The following CRPPA variants were observed in gnomAD, a reference collection of about 807,000 sequenced individuals.
The protein encoded by CRPPA is CDP-L-ribitol pyrophosphorylase A, also known as D-ribitol-5-phosphate cytidylyltransferase.
Under a neutral mutation model 52.0 loss-of-function variants are expected in CRPPA, and 43 were observed. The observed-to-expected ratio is 0.83, with a 90% CI of 0.65 to 1.07. CRPPA has a LOEUF of 1.07. Ranked by LOEUF, CRPPA falls within the 50% of genes least tolerant of loss-of-function variation. The pLI is 0.00. For synonymous variants in CRPPA, 250 were observed against 203.5 expected (o/e 1.23, Z -1.94); for missense variants, 629 against 551.7 (o/e 1.14, Z -1.40).
chr7:16,276,131 A>G (rs1051478512), intron 6 of CRPPA, among the ~76,000 whole-genome samples: 4 of 152,096 alleles, frequency 2.6e-5, no homozygotes, highest in Non-Finnish European at 4.4e-5. Context: ...ACGGGAAGTA[A>G]GAAAATTAAA....
chr7:16,173,227 G>C (rs902620181), intron 9 of CRPPA, among the ~76,000 whole-genome samples: 3 of 152,194 alleles, frequency 2.0e-5, no homozygotes, highest in African/African-American at 7.2e-5. Flanking sequence ...TGCAGGCTAG[G>C]AGTAAATTCA....
At chr7:16,246,425 T>C (rs1239405158) in intron 8 of CRPPA, among the ~76,000 whole-genome samples, 1 of 152,200 alleles carries the variant, frequency 6.6e-6, no homozygotes, top group Non-Finnish European at 1.5e-5. Flanking sequence ...GTTTGGATTA[T>C]GACCCCCCAT....
intron 9 of CRPPA, among the ~76,000 whole-genome samples, chr7:16,174,184 T>C (rs898095597): frequency 2.6e-5 from 4 of 152,162 alleles, no homozygotes; most frequent in Non-Finnish European, 1.5e-5. Context: ...ATGCTTTCAG[T>C]GCAAATAGGT....
chr7:16,357,755 A>G (rs1226104291), intron 3 of CRPPA, among the ~76,000 whole-genome samples: 1 of 152,210 alleles, frequency 6.6e-6, no homozygotes, highest in Non-Finnish European at 1.5e-5. Flanking sequence ...TTTATTACTA[A>G]GAAGGAATAA....
intron 9 of CRPPA, among the ~76,000 whole-genome samples, chr7:16,146,619 A>T (rs1475937929): frequency 6.6e-6 from 1 of 152,218 alleles, no homozygotes; most frequent in Non-Finnish European, 1.5e-5. Flanking sequence ...TAACATCAAT[A>T]ACCTAAAATG....
intron 9 of CRPPA, among the ~76,000 whole-genome samples, chr7:16,162,601 G>A (rs1323816548): frequency 6.6e-6 from 1 of 152,160 alleles, no homozygotes; most frequent in Non-Finnish European, 1.5e-5. Flanking sequence ...TTCCAATTAT[G>A]TGGTCAATTT....
rs1224787965 is a variant in CRPPA, at chr7:16,089,458, T to TAC, written c.*2236_*2237insGT. The TAC allele has an allele frequency of 3.5e-5, 10 of 289,014 alleles. No individual in the cohort carries two copies. The highest frequency in any genetic ancestry group is 9.0e-5 in the East Asian group (1 of 11,064). The allele number at this position is 289,014 out of a possible 1,614,324, so 17.9% of individuals were successfully genotyped here. ...GTATATATGTACGTGCATACATATA[T>TAC]GTGTATATATGTACGTACATATATA... On this transcript the variant is annotated 3_prime_UTR_variant, in exon 10 of 10. Coordinates refer to ENST00000407010, the MANE Select transcript of CRPPA (RefSeq NM_001101426.4).
At chr7:16,164,307 A>C (rs890524578) in intron 9 of CRPPA, among the ~76,000 whole-genome samples, 1 of 152,140 alleles carries the variant, frequency 6.6e-6, no homozygotes, top group African/African-American at 2.4e-5. Flanking sequence ...ATTTGGCTAA[A>C]GATACTTGTG....
chr7:16,316,696 A>T (rs1283597591), intron 3 of CRPPA, among the ~76,000 whole-genome samples: 1 of 151,996 alleles, frequency 6.6e-6, no homozygotes, highest in Non-Finnish European at 1.5e-5. Context: ...TCTCTACAAA[A>T]AAGGTAAAAT....
intron 9 of CRPPA, among the ~76,000 whole-genome samples, chr7:16,170,531 T>A (rs184488109): frequency 2.0e-5 from 3 of 152,038 alleles, no homozygotes; most frequent in Admixed American, 2.0e-4. Context: ...ACCCAAAGAG[T>A]GAGCAGCAGC....
intron 1 of CRPPA, among the ~76,000 whole-genome samples, chr7:16,413,597 C>G (rs1788120649): frequency 6.6e-6 from 1 of 152,190 alleles, no homozygotes; most frequent in Non-Finnish European, 1.5e-5. Flanking sequence ...AAGTGATCAA[C>G]CTTGTTCATC....
intron 2 of CRPPA, among the ~76,000 whole-genome samples, chr7:16,399,947 G>T (rs1459364395): frequency 6.6e-6 from 1 of 152,178 alleles, no homozygotes; most frequent in African/African-American, 2.4e-5. Context: ...TATGTGACAC[G>T]TGACTGACAT....
chr7:16,334,318 A>G (rs1785627413), intron 3 of CRPPA, among the ~76,000 whole-genome samples: 1 of 152,188 alleles, frequency 6.6e-6, no homozygotes, highest in South Asian at 2.1e-4. Context: ...GAAGTAATCA[A>G]ACTAAGCCCT....
intron 5 of CRPPA, among the ~76,000 whole-genome samples, chr7:16,286,706 A>T (rs963001631): frequency 3.3e-5 from 5 of 152,178 alleles, no homozygotes; most frequent in African/African-American, 1.2e-4. Flanking sequence ...CACAGGCAAC[A>T]ATCATCAAGG....
At chr7:16,136,657 T>C (rs890098609) in intron 9 of CRPPA, among the ~76,000 whole-genome samples, 2 of 152,218 alleles carry the variant, frequency 1.3e-5, no homozygotes, top group Admixed American at 1.3e-4. Context: ...CAAACATCTT[T>C]ATTTCCAGCT....
intron 3 of CRPPA, among the ~76,000 whole-genome samples, chr7:16,355,491 C>T (rs964467047): frequency 1.3e-5 from 2 of 152,108 alleles, no homozygotes; most frequent in Non-Finnish European, 2.9e-5. Context: ...ACCAAATGAC[C>T]ATTGGATGTC....
chr7:16,229,307 T>G (rs1365706806), intron 8 of CRPPA, among the ~76,000 whole-genome samples: 2 of 152,082 alleles, frequency 1.3e-5, no homozygotes, highest in African/African-American at 4.8e-5. Context: ...GACTTACAAC[T>G]GCCATTTTTG....
chr7:16,188,174 C>T (rs1197169456), intron 9 of CRPPA, among the ~76,000 whole-genome samples: 3 of 150,444 alleles, frequency 2.0e-5, no homozygotes, highest in African/African-American at 4.9e-5. Flanking sequence ...TTAGTAGAGA[C>T]GGGGTTTCAC....
At chr7:16,295,816 C>T (rs1332588662) in intron 5 of CRPPA, among the ~76,000 whole-genome samples, 1 of 152,084 alleles carries the variant, frequency 6.6e-6, no homozygotes, top group Non-Finnish European at 1.5e-5. Context: ...TGGGTGGGCT[C>T]AACCAGCTTG....
Sources: allele counts gnomAD v4.1 joint callset (sites outside exome capture counted in the v4.1 genomes callset), GRCh38; gene constraint gnomAD v4.1.1; transcripts MANE v1.5; gene names NCBI Gene and HGNC (gene_info 2026-07-23, HGNC 2026-07-21).